The following DYNC2H1 variants were observed in gnomAD, a reference collection of about 807,000 sequenced individuals.
DYNC2H1 encodes the protein cytoplasmic dynein 2 heavy chain 1.
DYNC2H1 carries 410 observed loss-of-function variants against 570.0 expected under a neutral mutation model. The observed-to-expected ratio is 0.72, with a 90% confidence interval of 0.66 to 0.78. The LOEUF (loss-of-function observed/expected upper bound fraction) is 0.78. Among genes scored for constraint, DYNC2H1 ranks in the 30% least tolerant of loss-of-function variants. DYNC2H1 has a pLI of 0.00. For synonymous variants in DYNC2H1, 1,688 were observed against 1,677.6 expected (o/e 1.01, Z -0.15); for missense variants, 4,865 against 5,046.4 (o/e 0.96, Z 1.09).
Position 103,209,281 on chromosome 11 carries a change from C to T in DYNC2H1, c.8455-595C>T, listed in dbSNP as rs1020768704. Among the ~76,000 whole-genome samples, 4 of 151,722 alleles carry T rather than the reference C, an allele frequency of 2.6e-5. No homozygotes were observed. Among genetic ancestry groups the T allele is most frequent in the Non-Finnish European group, 4.4e-5 (3 of 67,870 alleles). On this transcript the variant is annotated intron_variant, in intron 52 of 88. Coordinates refer to ENST00000375735, the MANE Select transcript of DYNC2H1 (RefSeq NM_001377.3). The surrounding 1 kb of genome is among the most constrained non-coding windows in gnomAD (Gnocchi z 4.2). ...TTTAATTTTTTTTCAGGACACTAAA[C>T]TTTCTTTTGTATATTCTAAAGTAGC... is the stretch of plus-strand genomic sequence containing the variant.
chr11:103,275,981 A>G lies in DYNC2H1; in HGVS notation c.10696-4367A>G, dbSNP rs1406227845. Reference sequence around the variant, plus strand: ...GGCTGTACCCTTTTGCATTCCTGCCAGCAATTAATGAGGGTTTCTGTTGCT... The same window carrying G: ...GGCTGTACCCTTTTGCATTCCTGCCGGCAATTAATGAGGGTTTCTGTTGCT... On this transcript the variant is annotated intron_variant, in intron 70 of 88. Coordinates refer to ENST00000375735, the MANE Select transcript of DYNC2H1 (RefSeq NM_001377.3). This position sits in a 1 kb window ranked among gnomAD's most constrained non-coding sequence, Gnocchi z 4.8. 6.6e-6 allele frequency among the ~76,000 whole-genome samples: 1 copy of G among 152,226 alleles called. No homozygotes were observed. The highest frequency in any genetic ancestry group is 1.5e-5 in the Non-Finnish European group (1 of 68,038).
At chr11:103,192,014 C>T (rs1862337255) in intron 46 of DYNC2H1, 83 bp from the exon 47 acceptor site, 3 of 1,132,040 alleles carry the variant, frequency 2.7e-6, no homozygotes, top group Non-Finnish European at 2.4e-6. Context: ...ATGTAGACAC[C>T]TGCTATTTCT....
chr11:103,128,019 T>C (rs1407615167), intron 12 of DYNC2H1, among the ~76,000 whole-genome samples: 1 of 152,096 alleles, frequency 6.6e-6, no homozygotes, highest in Non-Finnish European at 1.5e-5. Flanking sequence ...TGACATAAAG[T>C]AGGCAAAAGA....
rs144717489 is a variant in DYNC2H1 at position 103,479,194 on chromosome 11, G to A, written c.12865G>A (p.Gly4289Arg). 1.2e-6 allele frequency: 2 copies of A among 1,613,770 alleles called. No homozygotes were observed. Among genetic ancestry groups the A allele is most frequent in the Non-Finnish European group, 1.7e-6 (2 of 1,179,804 alleles). ...GGTTACCAATATTGATGTTCCATGT[G>A]GGGGCAACCAAGACCAGTGGATTCA... The part of the protein sequence containing the change: ...RVVTNIDVPC[G>R]GNQDQWIQCG... Residue 4289 changes from glycine (G) to arginine (R), a missense_variant, in exon 89 of 89, where the codon GGG (glycine) becomes AGG (arginine). By Grantham distance (125) the Gly-to-Arg change is moderately radical. Around this residue, in one of 5 missense-constraint regions of DYNC2H1, gnomAD observed 2,401 missense variants for 2,454.6 expected, o/e 0.98. Transcript: ENST00000375735.
chr11:103,216,090 CTT>C (rs1565402879), intron 55 of DYNC2H1, among the ~76,000 whole-genome samples: 2 of 152,016 alleles, frequency 1.3e-5, no homozygotes, highest in Admixed American at 6.6e-5. Flanking sequence ...TATGTAAACT[CTT>C]TTTATATTTT....
At position 103,289,271 on chromosome 11, in the gene DYNC2H1, A is replaced by G. The variant is rs1172889111; in HGVS notation, c.11095+1666A>G. 6.6e-6 allele frequency among the ~76,000 whole-genome samples: 1 copy of G among 152,170 alleles called. No individual in the cohort carries two copies. Among genetic ancestry groups the G allele is most frequent in the East Asian group, 1.9e-4 (1 of 5,190 alleles). On this transcript the variant is annotated intron_variant, in intron 75 of 88. Transcript: ENST00000375735. The surrounding 1 kb of genome is among the most constrained non-coding windows in gnomAD (Gnocchi z 4.2). ...TAATAATAAAACCCCAGTCTCCTGC[A>G]CAGCTGGCTCTGTCTTGGTAAATCA...
intron 38 of DYNC2H1, 66 bp from the exon 39 acceptor site, chr11:103,178,960 C>T (rs1441557821): frequency 7.0e-7 from 1 of 1,426,466 alleles, no homozygotes; most frequent in Non-Finnish European, 9.5e-7. Context: ...TGTTTTAGTC[C>T]TTATTTTTAA....
chr11:103,240,917 G>A (rs893557240), intron 63 of DYNC2H1, among the ~76,000 whole-genome samples: 2 of 152,100 alleles, frequency 1.3e-5, no homozygotes, highest in Non-Finnish European at 2.9e-5. Flanking sequence ...CATTTTATAT[G>A]CATCACCTTT....
intron 61 of DYNC2H1, among the ~76,000 whole-genome samples, chr11:103,234,753 TGA>T (rs1046442745): frequency 6.6e-4 from 100 of 152,048 alleles, no homozygotes; most frequent in African/African-American, 2.3e-3. Flanking sequence ...TCCAGACTAC[TGA>T]GTTTTAAATG....
chr11:103,311,867 T>G lies in DYNC2H1; in HGVS notation c.11494-11T>G, dbSNP rs936212443. On this transcript the variant is annotated splice_polypyrimidine_tract_variant and intron_variant, in intron 78 of 88. Coordinates refer to ENST00000375735, the MANE Select transcript of DYNC2H1 (RefSeq NM_001377.3). Reference sequence around the variant, plus strand: ...TTTTAGCAATAGGATGTCTGTTGATTTTTTTTCTAGTCACCTCCAGGTTTA... The same window carrying G: ...TTTTAGCAATAGGATGTCTGTTGATGTTTTTTCTAGTCACCTCCAGGTTTA... The G allele has an allele frequency of 1.3e-6, 2 of 1,599,114 alleles. No homozygotes were observed. The highest frequency in any genetic ancestry group is 1.7e-6 in the Non-Finnish European group (2 of 1,173,674).
At position 103,148,549 on chromosome 11, in the gene DYNC2H1, C is replaced by A. The variant is rs865890876; in HGVS notation, c.2878C>A (p.Pro960Thr). 6.4e-7 allele frequency: 1 copy of A among 1,566,432 alleles called. No homozygotes were observed. The change falls in exon 20 of 89, where the codon CCC becomes ACC. Residue 960 changes from proline (P) to threonine (T), a missense_variant. By Grantham distance (38) the Pro-to-Thr change is conservative. This residue lies in a region of DYNC2H1 where 1,936 missense variants were observed against 1,962.1 expected (regional missense o/e 0.99). Transcript: ENST00000375735. ...GGCTATGGAAGTCTTAACAATTATG[C>A]CCCAGTCTGTGGAAGAAATTGGTGA... ...TEAMEVLTIM[P>T]QSVEEIGDAN...
At chr11:103,391,101 T>G (rs968316871) in intron 83 of DYNC2H1, among the ~76,000 whole-genome samples, 1 of 152,232 alleles carries the variant, frequency 6.6e-6, no homozygotes, top group African/African-American at 2.4e-5. Context: ...TTTTCCAACT[T>G]GGTTCCATTC....
At chr11:103,296,196 T>C (rs1188853978) in intron 75 of DYNC2H1, among the ~76,000 whole-genome samples, 2 of 152,180 alleles carry the variant, frequency 1.3e-5, no homozygotes, top group South Asian at 4.1e-4. Context: ...TTGGTTTGTA[T>C]GAAGGTATTT....
chr11:103,299,204 G>A lies in DYNC2H1; in HGVS notation c.11096-3889G>A, dbSNP rs911211038. On this transcript the variant is annotated intron_variant, in intron 75 of 88. Transcript: ENST00000375735. This position sits in a 1 kb window ranked among gnomAD's most constrained non-coding sequence, Gnocchi z 4.5. ...ATTTTTGAACTATGCATCTTTCCTAGTTTTACAGTTCTGTACCTCTTATGG... is the reference window on the plus strand; with the variant it reads ...ATTTTTGAACTATGCATCTTTCCTAATTTTACAGTTCTGTACCTCTTATGG... Among the ~76,000 whole-genome samples the A allele has an allele frequency of 2.6e-5, 4 of 152,022 alleles. No homozygotes were observed. The highest frequency in any genetic ancestry group is 9.7e-5 in the African/African-American group (4 of 41,384).
In DYNC2H1 at chr11:103,449,674, A is replaced by G. The variant is rs112050625; in HGVS notation, c.12457-5512A>G. Among the ~76,000 whole-genome samples the G allele has an allele frequency of 6.2e-3, 168 of 27,218 alleles. No individual in the cohort carries two copies. In the African/African-American group the frequency reaches 0.089, roughly 14 times the overall value. 17.9% of individuals were successfully genotyped at this position (27,218 alleles called of 152,430 possible). A position where few individuals can be genotyped will look rare whatever the true frequency, so the allele number is the denominator to read the frequency against. On this transcript the variant is annotated intron_variant, in intron 85 of 88. Coordinates refer to ENST00000375735, the MANE Select transcript of DYNC2H1 (RefSeq NM_001377.3). ...AGTTTAGAAATTATTCATTTTCATT[A>G]TTATTCTTAATTAGAATATTGTTTA...
intron 39 of DYNC2H1, among the ~76,000 whole-genome samples, chr11:103,180,805 TCTTTGGTTGGCCTACTTTGGGCTAA>T (rs1861819652): frequency 6.6e-6 from 1 of 151,582 alleles, no homozygotes; most frequent in Non-Finnish European, 1.5e-5. Flanking sequence ...GAGCTTAGCA[TCTTTGGTTGGCCTACTTTGGGCTAA>T]TCTAATGTTA....
intron 20 of DYNC2H1, among the ~76,000 whole-genome samples, chr11:103,149,517 A>G (rs974596934): frequency 5.9e-5 from 9 of 152,174 alleles, no homozygotes; most frequent in Non-Finnish European, 2.9e-5. Flanking sequence ...ATAACATACC[A>G]CTGCAGTGGA....
rs532563952 is a variant in DYNC2H1, at chr11:103,275,089, G to A, written c.10696-5259G>A. On this transcript the variant is annotated intron_variant, in intron 70 of 88. Transcript: ENST00000375735. The surrounding 1 kb of genome is among the most constrained non-coding windows in gnomAD (Gnocchi z 4.8). ...AGCCTGGGCGACAGTGAGAGACTCC[G>A]TCTCAAAAATAAATAAATAAATAAA... Among the ~76,000 whole-genome samples, 19 of 151,300 alleles carry A rather than the reference G, an allele frequency of 1.3e-4. No individual in the cohort carries two copies. The highest frequency in any genetic ancestry group is 1.2e-3 in the South Asian group (6 of 4,818).
At chr11:103,174,286 C>T (rs1861703908) in intron 36 of DYNC2H1, 116 bp downstream of exon 36, 5 of 701,892 alleles carry the variant, frequency 7.1e-6, no homozygotes, top group Non-Finnish European at 1.1e-5. Flanking sequence ...TACTGTATAC[C>T]CTGCCCCAAT....
Sources: allele counts gnomAD v4.1 joint callset (sites outside exome capture counted in the v4.1 genomes callset), GRCh38; gene constraint gnomAD v4.1.1; regional missense constraint gnomAD v4.1.1; non-coding constraint Gnocchi (gnomAD v3.1); transcripts MANE v1.5; gene names NCBI Gene and HGNC (gene_info 2026-07-23, HGNC 2026-07-21).